Variants in MAML1 observed in about 807,000 individuals in gnomAD.
MAML1 encodes mastermind like transcriptional coactivator 1, also known as mastermind-like protein 1.
A neutral mutation model predicts 77.1 loss-of-function variants in MAML1; 14 were observed. That is an observed-to-expected ratio of 0.18 (90% CI 0.12 to 0.28). The LOEUF (loss-of-function observed/expected upper bound fraction) is 0.28. MAML1 is among the 10% of genes least tolerant of loss of function. The pLI is 1.00. For missense variants in MAML1, 1,217 were observed against 1,327.8 expected (o/e 0.92, Z 1.30); for synonymous variants, 516 against 551.9 (o/e 0.93, Z 0.91).
intron 1 of MAML1, among the ~76,000 whole-genome samples, chr5:179,758,398 CTTTTT>C (rs530390008): frequency 3.6e-5 from 5 of 138,558 alleles, no homozygotes; most frequent in African/African-American, 1.1e-4. Flanking sequence ...TTTTTCTTTT[CTTTTT>C]TTTTTTTTTA....
In MAML1 at chr5:179,757,006, T is replaced by G. The variant is rs1164279539; in HGVS notation, c.316-8320T>G. Reference sequence around the variant, plus strand: ...CCACGCCTGGCTAATTTTTGTATTTTTAGTAGAGACAGGGTTTTTACCATA... The same window carrying G: ...CCACGCCTGGCTAATTTTTGTATTTGTAGTAGAGACAGGGTTTTTACCATA... On this transcript the variant is annotated intron_variant, in intron 1 of 4. Coordinates refer to ENST00000292599, the MANE Select transcript of MAML1 (RefSeq NM_014757.5). 3.3e-5 allele frequency among the ~76,000 whole-genome samples: 5 copies of G among 152,000 alleles called. No homozygotes were observed. In the East Asian group the frequency reaches 9.7e-4, roughly 30 times the overall value.
At chr5:179,762,840 G>A (rs1026877113) in intron 1 of MAML1, among the ~76,000 whole-genome samples, 7 of 152,244 alleles carry the variant, frequency 4.6e-5, no homozygotes, top group African/African-American at 1.4e-4. Context: ...TCCTATCCCC[G>A]TCTACGTTAT....
At position 179,775,437 on chromosome 5, in the gene MAML1, T is replaced by C; in HGVS notation, c.*560T>C. ...GTTTCCTTTTGATTAAGAGCCTTTT[T>C]TGTTTCTGCTCTTTGTCAGCTTTCA... On this transcript the variant is annotated 3_prime_UTR_variant, in exon 5 of 5. Transcript: ENST00000292599. 1.0e-6 allele frequency: 1 copy of C among 985,474 alleles called. No individual in the cohort carries two copies. The highest frequency in any genetic ancestry group is 4.7e-5 in the South Asian group (1 of 21,288). The allele number at this position is 985,474 out of a possible 1,614,324, so 61.0% of individuals were successfully genotyped here. A position where few individuals can be genotyped will look rare whatever the true frequency, so the allele number is the denominator to read the frequency against.
At position 179,776,263 on chromosome 5, in the gene MAML1, C is replaced by G; in HGVS notation, c.*1386C>G. On this transcript the variant is annotated 3_prime_UTR_variant, in exon 5 of 5. Transcript: ENST00000292599. ...GTTCTGTGGAGAAACTGCAGCCCCACTTCTGTTTCCCTGGAGTCTCCCAAT... is the reference window on the plus strand; with the variant it reads ...GTTCTGTGGAGAAACTGCAGCCCCAGTTCTGTTTCCCTGGAGTCTCCCAAT... 3 of 985,876 alleles carry G rather than the reference C, an allele frequency of 3.0e-6. No individual in the cohort carries two copies. Among genetic ancestry groups the G allele is most frequent in the Non-Finnish European group, 3.6e-6 (3 of 829,956 alleles). The allele number at this position is 985,876 out of a possible 1,614,324, so 61.1% of individuals were successfully genotyped here.
chr5:179,772,474 G>A (rs1038692483), intron 4 of MAML1, among the ~76,000 whole-genome samples: 3 of 152,020 alleles, frequency 2.0e-5, no homozygotes, highest in Non-Finnish European at 4.4e-5. Flanking sequence ...ACTGAGTTAC[G>A]GCCAATCCCT....
At chr5:179,753,222 T>TGTGTGTGTGTGCGC (rs1491538366) in intron 1 of MAML1, among the ~76,000 whole-genome samples, 1 of 31,444 alleles carries the variant, frequency 3.2e-5, no homozygotes, top group African/African-American at 6.3e-5. Context: ...TGTGTGTGTG[T>TGTGTGTGTGTGCGC]GCGCGCGCGC....
rs1301913577 is a variant in MAML1, at chr5:179,733,205, G to A, written c.93G>A (p.Arg31=). 2 of 1,477,918 alleles carry A rather than the reference G, an allele frequency of 1.4e-6. No individual in the cohort carries two copies. The highest frequency in any genetic ancestry group is 1.5e-5 in the African/African-American group (1 of 67,974). The allele number at this position is 1,477,918 out of a possible 1,614,324, so 91.6% of individuals were successfully genotyped here. Residue 31 remains arginine (R), a synonymous_variant, in exon 1 of 5, where the codon CGG becomes CGA. Transcript: ENST00000292599. ...ERLRRRIELC[R]RHHSTCEARY... ...TTCGCCGGCGCATCGAGCTGTGCCG[G>A]CGCCACCACAGCACCTGCGAGGCCC...
At chr5:179,755,828 G>A (rs978231661) in intron 1 of MAML1, among the ~76,000 whole-genome samples, 4 of 150,626 alleles carry the variant, frequency 2.7e-5, no homozygotes, top group Admixed American at 6.6e-5. Context: ...GCAATGGCGT[G>A]ATCTCAGCTC....
intron 1 of MAML1, among the ~76,000 whole-genome samples, chr5:179,738,996 TCTC>T (rs1027359426): frequency 3.3e-5 from 5 of 152,146 alleles, no homozygotes; most frequent in East Asian, 1.9e-4. Flanking sequence ...TTTCTTAGCT[TCTC>T]CTCTCTTCTG....
intron 1 of MAML1, among the ~76,000 whole-genome samples, chr5:179,733,819 G>T (rs1187570555): frequency 6.6e-6 from 1 of 152,192 alleles, no homozygotes; most frequent in African/African-American, 2.4e-5. Context: ...ATGTTTATTG[G>T]GTCCTTGCCC....
rs1756130868 is a variant in MAML1, at chr5:179,776,178, C to T, written c.*1301C>T. ...CAAAGTGGTAAGCACAGGGTGAGAC[C>T]CTTTTACACAGAATGGTGGAGAGAA... is the stretch of plus-strand genomic sequence containing the variant. On this transcript the variant is annotated 3_prime_UTR_variant, in exon 5 of 5. Coordinates refer to ENST00000292599, the MANE Select transcript of MAML1 (RefSeq NM_014757.5). The T allele has an allele frequency of 1.0e-6, 1 of 985,836 alleles. No homozygotes were observed. Among genetic ancestry groups the T allele is most frequent in the South Asian group, 4.7e-5 (1 of 21,286 alleles). 61.1% of individuals were successfully genotyped at this position (985,836 alleles called of 1,614,324 possible).
At position 179,775,253 on chromosome 5, in the gene MAML1, AC is replaced by A. The variant is rs1275135880; in HGVS notation, c.*380del. 3 of 1,010,786 alleles carry A rather than the reference AC, an allele frequency of 3.0e-6. No individual in the cohort carries two copies. The highest frequency in any genetic ancestry group is 1.7e-5 in the African/African-American group (1 of 58,344). 62.6% of individuals were successfully genotyped at this position (1,010,786 alleles called of 1,614,324 possible). On this transcript the variant is annotated 3_prime_UTR_variant, in exon 5 of 5. Transcript: ENST00000292599. ...GATTTTATCCAAGACTGCTCCACTT[AC>A]CCCAGTGCTGGGGACAAGTTTCTGT...
intron 1 of MAML1, among the ~76,000 whole-genome samples, chr5:179,737,970 A>T (rs1779205241): frequency 1.4e-5 from 2 of 143,688 alleles, no homozygotes; most frequent in South Asian, 4.4e-4. Context: ...CTAGGTTTTA[A>T]AGTTTTTTGT....
rs3797762 is a variant in MAML1 at position 179,775,687 on chromosome 5, A to G, written c.*810A>G. On this transcript the variant is annotated 3_prime_UTR_variant, in exon 5 of 5. Coordinates refer to ENST00000292599, the MANE Select transcript of MAML1 (RefSeq NM_014757.5). The stretch of plus-strand genomic sequence containing the variant: ...GAAGGTAGAGATGTGGGGGTCCTGT[A>G]TCCTGGAGTATTATGTCTCCCCACC... 0.34 allele frequency: 330,285 copies of G among 985,050 alleles called. 56,479 individuals carry two copies. Among genetic ancestry groups the G allele is most frequent in the Non-Finnish European group, 0.35 (292,186 of 829,780 alleles). 61.0% of individuals were successfully genotyped at this position (985,050 alleles called of 1,614,324 possible). A position where few individuals can be genotyped will look rare whatever the true frequency, so the allele number is the denominator to read the frequency against.
chr5:179,758,492 G>A (rs1779667187), intron 1 of MAML1, among the ~76,000 whole-genome samples: 1 of 150,994 alleles, frequency 6.6e-6, no homozygotes, highest in Non-Finnish European at 1.5e-5. Flanking sequence ...CTGGGCTCAA[G>A]TGTTCCTCTC....
Position 179,766,113 on chromosome 5 carries a change from C to T in MAML1, c.1103C>T (p.Ala368Val). ...NPSPNLMPAS[A>V]QAQNAQRALA... is the part of the protein sequence containing the mutation. Reference sequence around the variant, plus strand: ...AGTCCAAACCTGATGCCGGCATCAGCCCAGGCCCAGAACGCACAAAGAGCC... The same window carrying T: ...AGTCCAAACCTGATGCCGGCATCAGTCCAGGCCCAGAACGCACAAAGAGCC... The change falls in exon 2 of 5, where the codon GCC becomes GTC. Residue 368 changes from alanine (A) to valine (V), a missense_variant. By Grantham distance (64) the Ala-to-Val change is moderately conservative. Coordinates refer to ENST00000292599, the MANE Select transcript of MAML1 (RefSeq NM_014757.5). The surrounding 1 kb of genome is among the most constrained non-coding windows in gnomAD (Gnocchi z 4.0). 1.9e-6 allele frequency: 3 copies of T among 1,578,526 alleles called. No individual in the cohort carries two copies. Among genetic ancestry groups the T allele is most frequent in the South Asian group, 2.3e-5 (2 of 85,492 alleles).
chr5:179,771,350 T>C lies in MAML1; in HGVS notation c.2068+107T>C. 2.1e-6 allele frequency: 2 copies of C among 944,340 alleles called. No homozygotes were observed. Among genetic ancestry groups the C allele is most frequent in the East Asian group, 2.5e-5 (1 of 40,182 alleles). The allele number at this position is 944,340 out of a possible 1,614,324, so 58.5% of individuals were successfully genotyped here. A position where few individuals can be genotyped will look rare whatever the true frequency, so the allele number is the denominator to read the frequency against. ...TATGCCTTGACTTCATCAGGCTGCA[T>C]GCATTGTCATCATATACACCTCAGT... On this transcript the variant is annotated intron_variant, in intron 4 of 4. Transcript: ENST00000292599. The surrounding 1 kb of genome is among the most constrained non-coding windows in gnomAD (Gnocchi z 4.7).
intron 1 of MAML1, among the ~76,000 whole-genome samples, chr5:179,756,049 C>T (rs1394814987): frequency 2.6e-5 from 4 of 151,018 alleles, no homozygotes; most frequent in Non-Finnish European, 4.4e-5. Flanking sequence ...CAGGTGTGAG[C>T]CACCATGCCT....
intron 1 of MAML1, among the ~76,000 whole-genome samples, chr5:179,761,989 AAG>A (rs1442791662): frequency 6.6e-6 from 1 of 152,128 alleles, no homozygotes; most frequent in Non-Finnish European, 1.5e-5. Context: ...AGAGGTAAAA[AAG>A]AGGAGGCAGG....
Sources: gnomAD v4.1 joint callset for allele counts (sites outside exome capture counted in the v4.1 genomes callset) on GRCh38, gnomAD v4.1.1 for gene constraint, Gnocchi (gnomAD v3.1) non-coding constraint, MANE v1.5 for transcripts, NCBI Gene and HGNC (gene_info 2026-07-23, HGNC 2026-07-21) for gene names.